CSMD3: variants seen among roughly 807,000 people sequenced by gnomAD.
CSMD3 encodes CUB and sushi domain-containing protein 3.
CSMD3 carries 177 observed loss-of-function variants against 435.2 expected under a neutral mutation model. The observed-to-expected ratio is 0.41, with a 90% CI of 0.36 to 0.46. The LOEUF (loss-of-function observed/expected upper bound fraction) is 0.46. Among genes scored for constraint, CSMD3 ranks in the 20% least tolerant of loss-of-function variants. The pLI, the probability that CSMD3 is intolerant of heterozygous loss-of-function variation, is 0.34. For missense variants in CSMD3, 4,265 were observed against 4,504.6 expected (o/e 0.95, Z 1.52); for synonymous variants, 1,656 against 1,520.5 (o/e 1.09, Z -2.07).
At chr8:112,919,493 C>T (rs1022123768) in intron 10 of CSMD3, among the ~76,000 whole-genome samples, 1 of 151,812 alleles carries the variant, frequency 6.6e-6, no homozygotes, top group Non-Finnish European at 1.5e-5. Context: ...TTATGTAGAT[C>T]TTAAATTCCA....
chr8:112,847,755 G>A (rs1283535872), intron 11 of CSMD3, among the ~76,000 whole-genome samples: 2 of 152,090 alleles, frequency 1.3e-5, no homozygotes, highest in Non-Finnish European at 2.9e-5. Context: ...ACTAAATGAA[G>A]TGGCAAAAGG....
At chr8:113,232,905 T>G (rs1200289569) in intron 3 of CSMD3, among the ~76,000 whole-genome samples, 1 of 151,872 alleles carries the variant, frequency 6.6e-6, no homozygotes, top group Non-Finnish European at 1.5e-5. Flanking sequence ...TTTCGTAACA[T>G]TATTCTTTTA....
chr8:112,992,632 T>C (rs1299380731), intron 6 of CSMD3, among the ~76,000 whole-genome samples: 1 of 151,886 alleles, frequency 6.6e-6, no homozygotes, highest in African/African-American at 2.4e-5. Flanking sequence ...AGGCAGTGAC[T>C]GAATAATAAG....
chr8:113,277,733 A>G (rs945561310), intron 3 of CSMD3, among the ~76,000 whole-genome samples: 1 of 151,950 alleles, frequency 6.6e-6, no homozygotes, highest in Non-Finnish European at 1.5e-5. Flanking sequence ...CACTATCCCT[A>G]TGGGGAAGAA....
At chr8:113,250,637 A>G (rs531227447) in intron 3 of CSMD3, among the ~76,000 whole-genome samples, 1 of 152,256 alleles carries the variant, frequency 6.6e-6, no homozygotes, top group South Asian at 2.1e-4. Context: ...GGCCAAACAG[A>G]CAATCTTGTG....
At chr8:112,804,728 G>T (rs916441836) in intron 12 of CSMD3, among the ~76,000 whole-genome samples, 1 of 151,306 alleles carries the variant, frequency 6.6e-6, no homozygotes, top group African/African-American at 2.4e-5. Flanking sequence ...GCATTGGCGC[G>T]ATCTCGGCTC....
chr8:112,571,030 G>T (rs1002607842), intron 24 of CSMD3, among the ~76,000 whole-genome samples: 2 of 151,766 alleles, frequency 1.3e-5, no homozygotes, highest in Non-Finnish European at 2.9e-5. Context: ...ATTTTGAGAC[G>T]GAGTTTCACT....
At position 112,921,678 on chromosome 8, in the gene CSMD3, G is replaced by T. The variant is rs138791171; in HGVS notation, c.1582C>A (p.Arg528=). Residue 528 remains arginine (R), a synonymous_variant, in exon 10 of 71, where the codon CGG becomes AGG. Transcript: ENST00000297405. ...LQGAKSITCQ[R]IAEVFAAWSD... Reference sequence around the variant, plus strand: ...CAAGCAGCAAAAACTTCAGCTATCCGTTGACAGGTGATGCTCTTTGCGCCC... The same window carrying T: ...CAAGCAGCAAAAACTTCAGCTATCCTTTGACAGGTGATGCTCTTTGCGCCC... 1 of 1,611,732 alleles carries T rather than the reference G, an allele frequency of 6.2e-7. No homozygotes were observed. The highest frequency in any genetic ancestry group is 1.7e-5 in the Admixed American group (1 of 59,914).
chr8:113,141,195 A>T (rs1175109851), intron 4 of CSMD3, among the ~76,000 whole-genome samples: 1 of 150,920 alleles, frequency 6.6e-6, no homozygotes, highest in Non-Finnish European at 1.5e-5. Flanking sequence ...GTCCAGAAAA[A>T]GACTTCTTCA....
chr8:113,012,172 TCATAAGC>T (rs2086278713), intron 6 of CSMD3, among the ~76,000 whole-genome samples: 1 of 151,824 alleles, frequency 6.6e-6, no homozygotes, highest in South Asian at 2.1e-4. Context: ...CTCTCTTACT[TCATAAGC>T]TTAAAATAAT....
intron 32 of CSMD3, among the ~76,000 whole-genome samples, chr8:112,422,777 T>C (rs1016708124): frequency 6.6e-6 from 1 of 152,206 alleles, no homozygotes; most frequent in African/African-American, 2.4e-5. Context: ...ATTGATTTTA[T>C]AAATAAATCA....
intron 31 of CSMD3, among the ~76,000 whole-genome samples, chr8:112,478,095 G>C (rs1005781266): frequency 2.6e-5 from 4 of 152,126 alleles, no homozygotes; most frequent in African/African-American, 9.7e-5. Context: ...AATGTGACTT[G>C]CTCCTCCTTA....
chr8:112,730,433 G>C (rs2077051147), intron 13 of CSMD3, among the ~76,000 whole-genome samples: 1 of 152,102 alleles, frequency 6.6e-6, no homozygotes, highest in Non-Finnish European at 1.5e-5. Context: ...AAGTGAGTAG[G>C]TGAAGGACAT....
At chr8:112,250,960 A>G (rs1416987449) in intron 63 of CSMD3, among the ~76,000 whole-genome samples, 3 of 151,768 alleles carry the variant, frequency 2.0e-5, no homozygotes, top group African/African-American at 7.2e-5. Context: ...TAGTTCCTAA[A>G]TCATAAAATT....
chr8:112,321,599 C>A (rs2130877331), intron 45 of CSMD3, among the ~76,000 whole-genome samples: 1 of 152,174 alleles, frequency 6.6e-6, no homozygotes, highest in South Asian at 2.1e-4. Flanking sequence ...GGCTAATAAA[C>A]ATTCAGGTTA....
At chr8:113,385,876 T>C (rs923157140) in intron 1 of CSMD3, among the ~76,000 whole-genome samples, 1 of 152,116 alleles carries the variant, frequency 6.6e-6, no homozygotes, top group African/African-American at 2.4e-5. Context: ...TTGCTTTTTA[T>C]TAAAATTCAA....
intron 38 of CSMD3, 78 bp from the exon 39 acceptor site, chr8:112,352,612 A>G: frequency 1.6e-6 from 2 of 1,258,814 alleles, no homozygotes; most frequent in South Asian, 2.4e-5. Context: ...AGTTGCTAAA[A>G]TTGAATATCA....
intron 5 of CSMD3, among the ~76,000 whole-genome samples, chr8:113,061,650 C>T (rs371847367): frequency 6.6e-6 from 1 of 151,884 alleles, no homozygotes; most frequent in Non-Finnish European, 1.5e-5. Flanking sequence ...ATTTTTGATA[C>T]TTGATTGCTA....
At chr8:113,278,355 C>A (rs547720136) in intron 3 of CSMD3, among the ~76,000 whole-genome samples, 10 of 151,744 alleles carry the variant, frequency 6.6e-5, no homozygotes, top group Non-Finnish European at 1.3e-4. Context: ...CATTTAATTC[C>A]GTTTTGTTAA....
Sources: allele counts gnomAD v4.1 joint callset (sites outside exome capture counted in the v4.1 genomes callset), GRCh38; gene constraint gnomAD v4.1.1; transcripts MANE v1.5; gene names NCBI Gene and HGNC (gene_info 2026-07-23, HGNC 2026-07-21).